The following PRKN variants were observed in gnomAD, a reference collection of about 807,000 sequenced individuals.
The protein encoded by PRKN is E3 ubiquitin-protein ligase parkin.
Under a neutral mutation model 59.5 loss-of-function variants are expected in PRKN, and 56 were observed. The observed-to-expected ratio is 0.94, with a 90% CI of 0.76 to 1.18. The LOEUF is 1.18. Ranked by LOEUF, PRKN falls within the 50% of genes most tolerant of loss-of-function variation. The pLI, the probability that PRKN is intolerant of heterozygous loss-of-function variation, is 0.00. For missense variants in PRKN, 657 were observed against 596.4 expected (o/e 1.10, Z -1.06); for synonymous variants, 250 against 222.1 (o/e 1.13, Z -1.12).
At chr6:162,184,196 T>A (rs185096403) in intron 4 of PRKN, among the ~76,000 whole-genome samples, 1 of 152,358 alleles carries the variant, frequency 6.6e-6, no homozygotes, top group Admixed American at 6.5e-5. Flanking sequence ...TTTGTCCTTT[T>A]AATCAATCAA....
chr6:161,959,204 G>A (rs548406490), intron 6 of PRKN, among the ~76,000 whole-genome samples: 5 of 152,252 alleles, frequency 3.3e-5, no homozygotes, highest in East Asian at 3.9e-4. Flanking sequence ...CCCAGATCCC[G>A]TTTCAAATAA....
chr6:161,938,650 C>T (rs1312717363), intron 6 of PRKN, among the ~76,000 whole-genome samples: 28 of 152,136 alleles, frequency 1.8e-4, no homozygotes, highest in Admixed American at 1.8e-3. Flanking sequence ...ACGAAAGAAA[C>T]AAGATGAGTG....
At chr6:162,011,443 T>TATAATA (rs1782697133) in intron 5 of PRKN, among the ~76,000 whole-genome samples, 1 of 20,850 alleles carries the variant, frequency 4.8e-5, no homozygotes, top group African/African-American at 8.6e-4. Flanking sequence ...TGTTATATAT[T>TATAATA]TATAATATAT....
At chr6:162,436,360 A>C (rs1789771830) in intron 2 of PRKN, among the ~76,000 whole-genome samples, 1 of 150,496 alleles carries the variant, frequency 6.6e-6, no homozygotes, top group Non-Finnish European at 1.5e-5. Flanking sequence ...TTTGAAACAG[A>C]GTCTCTTTGT....
rs553274756 is a variant in PRKN, at chr6:161,407,024, G to A, written c.1084-20147C>T. ...CTCGTTGGATATTTTTAACAAAATG[G>A]GACTTCAGAGAAATTTAATTAAGAT... On this transcript the variant is annotated intron_variant, in intron 9 of 11. Transcript: ENST00000366898. This position sits in a 1 kb window ranked among gnomAD's most constrained non-coding sequence, Gnocchi z 4.9. Among the ~76,000 whole-genome samples, 4 of 151,978 alleles carry A rather than the reference G, an allele frequency of 2.6e-5. No individual in the cohort carries two copies. In the South Asian group the frequency reaches 8.4e-4, roughly 32 times the overall value.
intron 7 of PRKN, among the ~76,000 whole-genome samples, chr6:161,757,850 T>A (rs953486836): frequency 1.1e-5 from 1 of 91,920 alleles, no homozygotes; most frequent in Non-Finnish European, 2.0e-5. Context: ...TCTCTCTCTC[T>A]CTCTCTCTCT....
At chr6:161,937,613 GCTTAGACAA>G (rs1779406658) in intron 6 of PRKN, among the ~76,000 whole-genome samples, 1 of 152,206 alleles carries the variant, frequency 6.6e-6, no homozygotes, top group African/African-American at 2.4e-5. Flanking sequence ...AGCTGAGAAT[GCTTAGACAA>G]CTTTCAGATA....
rs1583549275 is a variant in PRKN at position 162,423,077 on chromosome 6, A to T, written c.171+20233T>A. Among the ~76,000 whole-genome samples, 3 of 152,266 alleles carry T rather than the reference A, an allele frequency of 2.0e-5. No homozygotes were observed. The South Asian group carries it at 6.2e-4, about 32-fold the overall frequency. Reference sequence around the variant, plus strand: ...TAGTACATATTAATATTACAAAGAAATCTGAATTGGAATAGACAATCATTT... The same window carrying T: ...TAGTACATATTAATATTACAAAGAATTCTGAATTGGAATAGACAATCATTT... On this transcript the variant is annotated intron_variant, in intron 2 of 11. Transcript: ENST00000366898.
At chr6:162,512,041 G>C (rs763127480) in intron 1 of PRKN, among the ~76,000 whole-genome samples, 33 of 152,166 alleles carry the variant, frequency 2.2e-4, no homozygotes, top group Non-Finnish European at 3.2e-4. Context: ...TTGATGAAAA[G>C]TGTTCACTGC....
intron 1 of PRKN, among the ~76,000 whole-genome samples, chr6:162,686,653 T>A (rs559641813): frequency 6.6e-6 from 1 of 152,350 alleles, no homozygotes; most frequent in East Asian, 1.9e-4. Context: ...GGCTCGTGCC[T>A]GTAATCCTAC....
intron 7 of PRKN, among the ~76,000 whole-genome samples, chr6:161,763,700 A>G (rs1306540674): frequency 6.6e-6 from 1 of 152,108 alleles, no homozygotes; most frequent in African/African-American, 2.4e-5. Flanking sequence ...CACAACGTGC[A>G]AAGTGCAATA....
In PRKN at chr6:161,924,155, A is replaced by T. The variant is rs528042816; in HGVS notation, c.734+49147T>A. 2.0e-5 allele frequency among the ~76,000 whole-genome samples: 3 copies of T among 152,304 alleles called. No homozygotes were observed. The South Asian group carries it at 6.2e-4, about 32-fold the overall frequency. ...GGATTTATTGTGGGGTTAAAGTCAG[A>T]TATTTTAGGTCAAGAGCTAAAGAAT... is the stretch of plus-strand genomic sequence containing the variant. On this transcript the variant is annotated intron_variant, in intron 6 of 11. Coordinates refer to ENST00000366898, the MANE Select transcript of PRKN (RefSeq NM_004562.3).
chr6:161,893,529 G>A (rs1777494800), intron 6 of PRKN, among the ~76,000 whole-genome samples: 1 of 152,168 alleles, frequency 6.6e-6, no homozygotes, highest in Admixed American at 6.5e-5. Context: ...CTACGTTACT[G>A]TTGCAGGAAC....
At chr6:162,556,456 A>G (rs1202999229) in intron 1 of PRKN, among the ~76,000 whole-genome samples, 3 of 148,556 alleles carry the variant, frequency 2.0e-5, no homozygotes, top group African/African-American at 7.5e-5. Flanking sequence ...TCATGTTGAA[A>G]CTGTAGCTAA....
intron 5 of PRKN, among the ~76,000 whole-genome samples, chr6:162,048,592 C>A (rs916444852): frequency 6.6e-6 from 1 of 152,052 alleles, no homozygotes; most frequent in African/African-American, 2.4e-5. Flanking sequence ...CACATACAAA[C>A]ACAAATTATT....
chr6:162,332,012 C>T (rs544069398), intron 2 of PRKN, among the ~76,000 whole-genome samples: 1 of 152,216 alleles, frequency 6.6e-6, no homozygotes, highest in African/African-American at 2.4e-5. Flanking sequence ...AGTCTTGTGA[C>T]CTATGTAGTT....
intron 1 of PRKN, among the ~76,000 whole-genome samples, chr6:162,537,993 T>C (rs956627353): frequency 3.3e-5 from 5 of 152,240 alleles, no homozygotes; most frequent in Admixed American, 2.6e-4. Context: ...TACGACATTA[T>C]TGTTTTGTTT....
At chr6:161,655,255 T>G (rs373972311) in intron 7 of PRKN, among the ~76,000 whole-genome samples, 7,664 of 81,882 alleles carry the variant, frequency 0.094, 357 homozygotes, top group Middle Eastern at 0.2. Context: ...GGCCCACCCA[T>G]GCTCTCAGCG....
intron 7 of PRKN, among the ~76,000 whole-genome samples, chr6:161,720,107 G>A (rs115668729): frequency 0.017 from 2,527 of 152,194 alleles, 77 homozygotes; most frequent in African/African-American, 0.058. Context: ...CTGGAAAGTC[G>A]AAAAAAATAA....
Sources: gnomAD v4.1 joint callset for allele counts (sites outside exome capture counted in the v4.1 genomes callset) on GRCh38, gnomAD v4.1.1 for gene constraint, Gnocchi (gnomAD v3.1) non-coding constraint, MANE v1.5 for transcripts, NCBI Gene and HGNC (gene_info 2026-07-23, HGNC 2026-07-21) for gene names.